TMTC1: variants seen among roughly 807,000 people sequenced by gnomAD.
TMTC1 encodes the protein protein O-mannosyl-transferase TMTC1.
Under a neutral mutation model 104.8 loss-of-function variants are expected in TMTC1, and 73 were observed. The ratio of observed to expected loss-of-function variants is 0.70; its 90% CI spans 0.58 to 0.85. The LOEUF (loss-of-function observed/expected upper bound fraction) is 0.85. Ranked by LOEUF, TMTC1 falls within the 40% of genes least tolerant of loss-of-function variation. TMTC1 has a pLI of 0.00. For synonymous variants in TMTC1, 434 were observed against 428.7 expected (o/e 1.01, Z -0.15); for missense variants, 1,035 against 1,096.1 (o/e 0.94, Z 0.79).
chr12:29,751,932 C>A (rs1943101446), intron 4 of TMTC1, 60 bp from the exon 5 acceptor site: 1 of 1,444,948 alleles, frequency 6.9e-7, no homozygotes, highest in Admixed American at 2.4e-5. Context: ...CTTACAACAA[C>A]CGATAGCAGT....
Position 29,604,106 on chromosome 12 carries a change from T to C in TMTC1, c.1250+72A>G, listed in dbSNP as rs1047853261. 18 of 1,592,052 alleles carry C rather than the reference T, an allele frequency of 1.1e-5. No homozygotes were observed. In the African/African-American group the frequency reaches 2.1e-4, roughly 19 times the overall value. On this transcript the variant is annotated intron_variant, in intron 7 of 17. Coordinates refer to ENST00000539277, the MANE Select transcript of TMTC1 (RefSeq NM_001193451.2). Reference sequence around the variant, plus strand: ...ATCTAATGGTCTACACACAGAAGACTGTCTCTCTGGAACTATCAATGTTGG... The same window carrying C: ...ATCTAATGGTCTACACACAGAAGACCGTCTCTCTGGAACTATCAATGTTGG...
intron 1 of TMTC1, among the ~76,000 whole-genome samples, chr12:29,770,525 G>A (rs1484431311): frequency 2.0e-5 from 3 of 152,146 alleles, no homozygotes; most frequent in East Asian, 1.9e-4. Flanking sequence ...ACAAGATATC[G>A]TTCATGCATC....
At position 29,616,592 on chromosome 12, in the gene TMTC1, C is replaced by T. The variant is rs963233363; in HGVS notation, c.1129-12293G>A. Among the ~76,000 whole-genome samples the T allele has an allele frequency of 7.6e-5, 11 of 145,406 alleles. 1 individual carries two copies. The South Asian group carries it at 1.1e-3, about 15-fold the overall frequency. On this transcript the variant is annotated intron_variant, in intron 6 of 17. Transcript: ENST00000539277. ...CTGAGGCAGGAGAATCGCTTGAATC[C>T]GGGAGGCGGAGGTTGCAGTGAGCTG...
chr12:29,769,535 G>A (rs972813356), intron 1 of TMTC1, among the ~76,000 whole-genome samples: 3 of 152,220 alleles, frequency 2.0e-5, no homozygotes, highest in Non-Finnish European at 4.4e-5. Flanking sequence ...CACACACGAG[G>A]CAGCAGAGCT....
rs1943635615 is a variant in TMTC1 at position 29,503,421 on chromosome 12, T to C, written c.*3425A>G. ...TAAAAAATCCTGAATGAATAATTCATAAGATTAAAATAAGCTGCTAAAGCC... is the reference window on the plus strand; with the variant it reads ...TAAAAAATCCTGAATGAATAATTCACAAGATTAAAATAAGCTGCTAAAGCC... On this transcript the variant is annotated 3_prime_UTR_variant, in exon 18 of 18. Transcript: ENST00000539277. 1 of 152,136 alleles carries C rather than the reference T, an allele frequency of 6.6e-6. No individual in the cohort carries two copies. Among genetic ancestry groups the C allele is most frequent in the Admixed American group, 6.5e-5 (1 of 15,272 alleles). 9.4% of individuals were successfully genotyped at this position (152,136 alleles called of 1,614,324 possible). A position where few individuals can be genotyped will look rare whatever the true frequency, so the allele number is the denominator to read the frequency against.
At chr12:29,679,220 G>C (rs555965085) in intron 5 of TMTC1, among the ~76,000 whole-genome samples, 1 of 152,230 alleles carries the variant, frequency 6.6e-6, no homozygotes, top group African/African-American at 2.4e-5. Context: ...TATTCATCCA[G>C]TTGCTAAAAT....
chr12:29,600,085 T>G (rs1270755999), intron 7 of TMTC1, among the ~76,000 whole-genome samples: 1 of 146,372 alleles, frequency 6.8e-6, no homozygotes. Flanking sequence ...AAGGTCAGGA[T>G]GGAAGGAGAT....
At chr12:29,700,902 G>A (rs12302258) in intron 5 of TMTC1, among the ~76,000 whole-genome samples, 14,162 of 152,138 alleles carry the variant, frequency 0.093, 2,240 homozygotes, top group African/African-American at 0.32. Context: ...ACTCATTGTC[G>A]TGACAAGAAA....
chr12:29,723,301 G>T (rs963503260), intron 5 of TMTC1, among the ~76,000 whole-genome samples: 2 of 152,030 alleles, frequency 1.3e-5, no homozygotes, highest in African/African-American at 4.8e-5. Context: ...AAACAGCAAA[G>T]TTTCATAAAA....
At chr12:29,570,889 C>CCG (rs1371219644) in intron 9 of TMTC1, among the ~76,000 whole-genome samples, 1 of 144,626 alleles carries the variant, frequency 6.9e-6, no homozygotes, top group Non-Finnish European at 1.5e-5. Flanking sequence ...ACACCCCCCC[C>CCG]CCCCGCCAAA....
intron 5 of TMTC1, chr12:29,666,228 CTTTTT>C (rs751968439): frequency 2.8e-4 from 103 of 366,074 alleles, no homozygotes; most frequent in Middle Eastern, 6.2e-4. Context: ...TTTCTTTTTT[CTTTTT>C]TTTTTTTTTT....
chr12:29,758,051 G>A (rs1367174061), intron 3 of TMTC1, among the ~76,000 whole-genome samples: 2 of 152,270 alleles, frequency 1.3e-5, no homozygotes. Flanking sequence ...GACATGCTCT[G>A]AGCTGCCCCC....
At chr12:29,767,713 G>A (rs1372648580) in intron 2 of TMTC1, among the ~76,000 whole-genome samples, 185 bp downstream of exon 2, 3 of 151,964 alleles carry the variant, frequency 2.0e-5, no homozygotes, top group Non-Finnish European at 2.9e-5. Context: ...CTTTAATAGA[G>A]TGAACTCATA....
chr12:29,627,871 T>G (rs1266457607), intron 6 of TMTC1, among the ~76,000 whole-genome samples: 1 of 152,222 alleles, frequency 6.6e-6, no homozygotes, highest in Non-Finnish European at 1.5e-5. Context: ...CACTTTGACC[T>G]TCTTGTTATT....
chr12:29,640,246 C>G (rs190640129), intron 5 of TMTC1, among the ~76,000 whole-genome samples: 18 of 152,138 alleles, frequency 1.2e-4, no homozygotes, highest in Admixed American at 3.3e-4. Flanking sequence ...CAATTAAAGG[C>G]GGAGACTATT....
At chr12:29,692,659 T>C (rs950232609) in intron 5 of TMTC1, among the ~76,000 whole-genome samples, 5 of 145,176 alleles carry the variant, frequency 3.4e-5, no homozygotes, top group African/African-American at 1.3e-4. Context: ...TCCAAGAATA[T>C]AAAAATAAAT....
chr12:29,624,573 T>C (rs12424563), intron 6 of TMTC1, among the ~76,000 whole-genome samples: 8,659 of 152,250 alleles, frequency 0.057, 318 homozygotes, highest in South Asian at 0.076. Flanking sequence ...TCTAGTACTT[T>C]CCTGCCTCAG....
rs191660857 is a variant in TMTC1 at position 29,627,354 on chromosome 12, G to A, written c.1128+5793C>T. ...AGGATGGCCAATAAACATATGAAAG[G>A]ATGCTCAACTTCATTGATCATTAAG... On this transcript the variant is annotated intron_variant, in intron 6 of 17. Transcript: ENST00000539277. Among the ~76,000 whole-genome samples the A allele has an allele frequency of 5.1e-3, 781 of 152,304 alleles. 6 individuals are homozygous for A. The highest frequency in any genetic ancestry group is 6.3e-3 in the Non-Finnish European group (427 of 68,026).
intron 6 of TMTC1, among the ~76,000 whole-genome samples, chr12:29,612,674 CA>C (rs1486722481): frequency 4.6e-5 from 7 of 152,182 alleles, no homozygotes; most frequent in African/African-American, 1.7e-4. Flanking sequence ...CTCAGCCTCC[CA>C]AAGTGCTGGG....
Sources: gnomAD v4.1 joint callset for allele counts (sites outside exome capture counted in the v4.1 genomes callset) on GRCh38, gnomAD v4.1.1 for gene constraint, MANE v1.5 for transcripts, NCBI Gene and HGNC (gene_info 2026-07-23, HGNC 2026-07-21) for gene names.